The following PTPN22 variants were observed in gnomAD, a reference collection of about 807,000 sequenced individuals.
The protein encoded by PTPN22 is protein tyrosine phosphatase non-receptor type 22, also known as tyrosine-protein phosphatase non-receptor type 22.
Under a neutral mutation model 103.3 loss-of-function variants are expected in PTPN22, and 85 were observed. The ratio of observed to expected loss-of-function variants is 0.82; its 90% CI spans 0.69 to 0.99. PTPN22 has a LOEUF of 0.99. Ranked by LOEUF, PTPN22 falls within the 50% of genes least tolerant of loss-of-function variation. The pLI is 0.00. For missense variants in PTPN22, 865 were observed against 936.9 expected (o/e 0.92, Z 1.00); for synonymous variants, 323 against 310.2 (o/e 1.04, Z -0.43).
chr1:113,854,675 T>C, intron 8 of PTPN22, 138 bp from the exon 9 acceptor site: 1 of 1,012,358 alleles, frequency 9.9e-7, no homozygotes, highest in South Asian at 1.6e-5. Flanking sequence ...ACCCCACCAT[T>C]TCCCAGAGCC....
intron 11 of PTPN22, 118 bp from the exon 12 acceptor site, chr1:113,838,738 T>C (rs1663251987): frequency 1.4e-6 from 2 of 1,421,180 alleles, no homozygotes; most frequent in South Asian, 1.6e-5. Flanking sequence ...AAATAATTCA[T>C]GAAAGAGTTA....
At chr1:113,865,853 A>T (rs1323478847) in intron 1 of PTPN22, among the ~76,000 whole-genome samples, 1 of 152,240 alleles carries the variant, frequency 6.6e-6, no homozygotes, top group Non-Finnish European at 1.5e-5. Flanking sequence ...TTATATACTT[A>T]TTATCTTCAC....
At chr1:113,827,908 C>T (rs1027873161) in intron 18 of PTPN22, among the ~76,000 whole-genome samples, 9 of 152,168 alleles carry the variant, frequency 5.9e-5, no homozygotes, top group Admixed American at 1.3e-4. Context: ...GCCTCCCTAA[C>T]AGAGAGTGTA....
intron 16 of PTPN22, among the ~76,000 whole-genome samples, chr1:113,830,881 A>C (rs1310182): frequency 6.6e-6 from 1 of 151,876 alleles, no homozygotes. Flanking sequence ...AGAGGTTCAC[A>C]TGTCATTGGT....
chr1:113,847,998 G>A lies in PTPN22; in HGVS notation c.915+542C>T, dbSNP rs529600924. ...AATCCTTCCACCTTGGCCTTCCAAA[G>A]TGCTGGGATTACAGGCATGAACCAC... On this transcript the variant is annotated intron_variant, in intron 11 of 20. Transcript: ENST00000359785. Among the ~76,000 whole-genome samples, 7 of 152,164 alleles carry A rather than the reference G, an allele frequency of 4.6e-5. No homozygotes were observed. In the South Asian group the frequency reaches 1.0e-3, roughly 23 times the overall value.
intron 13 of PTPN22, among the ~76,000 whole-genome samples, chr1:113,835,263 A>C (rs1421903605): frequency 6.6e-6 from 1 of 152,188 alleles, no homozygotes; most frequent in Non-Finnish European, 1.5e-5. Context: ...TCACGCCTGT[A>C]ATCCCAGCAC....
intron 20 of PTPN22, among the ~76,000 whole-genome samples, chr1:113,816,663 C>T (rs1024851944): frequency 2.0e-5 from 3 of 152,066 alleles, no homozygotes; most frequent in African/African-American, 7.2e-5. Flanking sequence ...AATCCCAGTA[C>T]TTTGGGAGGC....
chr1:113,832,531 A>G (rs547094331), intron 16 of PTPN22, among the ~76,000 whole-genome samples: 18 of 152,332 alleles, frequency 1.2e-4, no homozygotes, highest in South Asian at 2.1e-4. Flanking sequence ...GGCTGGGTGC[A>G]GTGGTGCCAT....
At position 113,860,354 on chromosome 1, in the gene PTPN22, G is replaced by GT. The variant is rs556259683; in HGVS notation, c.88-895dup. 2.9e-3 allele frequency among the ~76,000 whole-genome samples: 435 copies of GT among 152,202 alleles called. 1 individual carries two copies. The highest frequency in any genetic ancestry group is 4.6e-3 in the Non-Finnish European group (316 of 68,008). On this transcript the variant is annotated intron_variant, in intron 1 of 20. Coordinates refer to ENST00000359785, the Ensembl canonical transcript of PTPN22. ...ATTGACCTTAATTATAGATATGTAT[G>GT]TATAGGTAAAAACAACATAGTGTAC...
At chr1:113,859,017 A>G (rs765948327) in exon 3 of PTPN22, 38 of 1,613,760 alleles carry the variant, frequency 2.4e-5, no homozygotes, top group Non-Finnish European at 2.9e-5. Flanking sequence ...TGAAGTTGGC[A>G]TTGATGTAGC....
intron 1 of PTPN22, among the ~76,000 whole-genome samples, chr1:113,864,993 T>G (rs914399929): frequency 1.3e-5 from 2 of 151,986 alleles, no homozygotes; most frequent in Non-Finnish European, 2.9e-5. Flanking sequence ...TAACAACATG[T>G]GTGCAAGGCC....
chr1:113,834,729 TA>T (rs945364716), intron 14 of PTPN22, among the ~76,000 whole-genome samples, 180 bp downstream of exon 14: 135 of 146,058 alleles, frequency 9.2e-4, no homozygotes, highest in African/African-American at 1.2e-3. Context: ...TCTGCTAAAT[TA>T]AAAAAAAAAA....
Position 113,856,318 on chromosome 1 carries a change from C to T in PTPN22, c.540+64G>A. On this transcript the variant is annotated intron_variant, in intron 7 of 20. Transcript: ENST00000359785. The stretch of plus-strand genomic sequence containing the variant: ...TCTTATGCCCAGCCTGAGCTACACA[C>T]ATCTATATTTACTTGCCTGATCTCT... The T allele has an allele frequency of 2.0e-6, 3 of 1,492,702 alleles. No individual in the cohort carries two copies. The South Asian group carries it at 4.0e-5, about 20-fold the overall frequency. 92.5% of individuals were successfully genotyped at this position (1,492,702 alleles called of 1,614,324 possible). A position where few individuals can be genotyped will look rare whatever the true frequency, so the allele number is the denominator to read the frequency against.
chr1:113,842,195 G>C (rs1463957912), intron 11 of PTPN22, among the ~76,000 whole-genome samples: 1 of 151,762 alleles, frequency 6.6e-6, no homozygotes, highest in African/African-American at 2.4e-5. Flanking sequence ...GAATGACAGA[G>C]CAAGACCCTG....
At chr1:113,868,652 A>C (rs1666314745) in intron 1 of PTPN22, among the ~76,000 whole-genome samples, 2 of 152,174 alleles carry the variant, frequency 1.3e-5, no homozygotes, top group South Asian at 2.1e-4. Flanking sequence ...CCTTAAAATC[A>C]GGAGCTAGAA....
chr1:113,846,625 T>A (rs979008846), intron 11 of PTPN22, among the ~76,000 whole-genome samples: 3 of 152,126 alleles, frequency 2.0e-5, no homozygotes, highest in South Asian at 2.1e-4. Context: ...TCCTTTGCCA[T>A]TTTTTTAGGG....
At chr1:113,860,468 G>A (rs923415527) in intron 1 of PTPN22, among the ~76,000 whole-genome samples, 2 of 152,150 alleles carry the variant, frequency 1.3e-5, no homozygotes, top group Non-Finnish European at 2.9e-5. Flanking sequence ...ACTGTAGTTT[G>A]AATTCCTCTG....
intron 1 of PTPN22, among the ~76,000 whole-genome samples, chr1:113,867,029 G>C (rs1016648174): frequency 2.6e-5 from 4 of 152,132 alleles, no homozygotes; most frequent in Non-Finnish European, 5.9e-5. Flanking sequence ...TTACAGGCGC[G>C]AGCCACCTCA....
At chr1:113,864,707 G>A (rs949357338) in intron 1 of PTPN22, among the ~76,000 whole-genome samples, 3 of 150,776 alleles carry the variant, frequency 2.0e-5, no homozygotes, top group Admixed American at 6.6e-5. Flanking sequence ...TCGGGAGATC[G>A]AGAGACCATC....
Sources: gnomAD v4.1 joint callset for allele counts (sites outside exome capture counted in the v4.1 genomes callset) on GRCh38, gnomAD v4.1.1 for gene constraint, MANE v1.5 for transcripts, NCBI Gene and HGNC (gene_info 2026-07-23, HGNC 2026-07-21) for gene names.